The following SNTG2 variants were observed in gnomAD, a reference collection of about 807,000 sequenced individuals.
The protein encoded by SNTG2 is syntrophin gamma 2, also known as gamma-2-syntrophin.
In SNTG2, 74 loss-of-function variants were observed where a neutral mutation model predicts 70.9. That is an observed-to-expected ratio of 1.04 (90% CI 0.86 to 1.27). The LOEUF is 1.27. Ranked by LOEUF, SNTG2 falls within the 50% of genes most tolerant of loss-of-function variation. The pLI, the probability that SNTG2 is intolerant of heterozygous loss-of-function variation, is 0.00. For missense variants in SNTG2, 717 were observed against 690.7 expected (o/e 1.04, Z -0.43); for synonymous variants, 278 against 273.8 (o/e 1.02, Z -0.15).
chr2:1,250,011 T>C (rs1333476813), intron 12 of SNTG2, among the ~76,000 whole-genome samples: 2 of 152,172 alleles, frequency 1.3e-5, no homozygotes, highest in Admixed American at 6.5e-5. Context: ...ACCAGGAACC[T>C]GCCCAAAGCC....
intron 1 of SNTG2, among the ~76,000 whole-genome samples, chr2:990,655 C>T (rs1305042236): frequency 1.3e-5 from 2 of 152,186 alleles, no homozygotes; most frequent in African/African-American, 4.8e-5. Flanking sequence ...CAGTCCATAA[C>T]AACACTTAAT....
At chr2:1,140,508 CCT>C (rs1183205073) in intron 6 of SNTG2, among the ~76,000 whole-genome samples, 1 of 152,196 alleles carries the variant, frequency 6.6e-6, no homozygotes, top group Non-Finnish European at 1.5e-5. Flanking sequence ...GCTGCCGGTT[CCT>C]CTCGTACCTG....
At chr2:1,311,260 T>A (rs551196631) in intron 15 of SNTG2, among the ~76,000 whole-genome samples, 3 of 152,358 alleles carry the variant, frequency 2.0e-5, no homozygotes, top group Non-Finnish European at 2.9e-5. Flanking sequence ...TGACCTATTT[T>A]CCTTTGAAGG....
intron 1 of SNTG2, among the ~76,000 whole-genome samples, chr2:1,036,805 TAAAC>T (rs1661154764): frequency 2.0e-5 from 3 of 152,226 alleles, no homozygotes; most frequent in African/African-American, 7.2e-5. Context: ...TTATCAAAGG[TAAAC>T]AAGACCTTGC....
chr2:1,367,600 C>A lies in SNTG2; in HGVS notation c.*126C>A, dbSNP rs1365551783. The A allele has an allele frequency of 8.4e-7, 1 of 1,187,022 alleles. No individual in the cohort carries two copies. Among genetic ancestry groups the A allele is most frequent in the Non-Finnish European group, 1.2e-6 (1 of 868,692 alleles). 73.5% of individuals were successfully genotyped at this position (1,187,022 alleles called of 1,614,324 possible). On this transcript the variant is annotated 3_prime_UTR_variant, in exon 17 of 17. Transcript: ENST00000308624. ...TAGTTGTGATACCAATAAAACATGT[C>A]ACTAGTTTCCAAAGACGGGTCCTCC...
chr2:1,068,835 A>C (rs1663330316), intron 1 of SNTG2, among the ~76,000 whole-genome samples: 1 of 152,240 alleles, frequency 6.6e-6, no homozygotes, highest in African/African-American at 2.4e-5. Flanking sequence ...GTTTACAGTA[A>C]TTAAAAAGGA....
intron 16 of SNTG2, among the ~76,000 whole-genome samples, chr2:1,319,051 G>A (rs116131167): frequency 0.015 from 2,286 of 152,302 alleles, 57 homozygotes; most frequent in African/African-American, 0.051. Flanking sequence ...ATCTGTTAAT[G>A]AAAGGAGCAT....
At chr2:1,113,609 G>T (rs1012557040) in intron 4 of SNTG2, among the ~76,000 whole-genome samples, 1 of 150,404 alleles carries the variant, frequency 6.6e-6, no homozygotes, top group East Asian at 2.0e-4. Context: ...CTTTGAGGAG[G>T]ATCGTGTGTA....
At chr2:1,232,316 T>C (rs78142363) in intron 9 of SNTG2, among the ~76,000 whole-genome samples, 11 of 152,100 alleles carry the variant, frequency 7.2e-5, no homozygotes, top group South Asian at 6.2e-4. Flanking sequence ...CTTTTTTTTT[T>C]CCCCTGAGAC....
intron 1 of SNTG2, among the ~76,000 whole-genome samples, chr2:970,125 G>T (rs1660690647): frequency 6.6e-6 from 1 of 152,022 alleles, no homozygotes. Context: ...ATGATCATGT[G>T]GTTTTGGTTT....
At chr2:1,177,235 A>G (rs1671541040) in intron 8 of SNTG2, among the ~76,000 whole-genome samples, 1 of 152,188 alleles carries the variant, frequency 6.6e-6, no homozygotes, top group South Asian at 2.1e-4. Context: ...AGGAACAGAA[A>G]AGCAAACACC....
chr2:1,246,446 G>A (rs561868552), intron 11 of SNTG2, among the ~76,000 whole-genome samples: 27 of 152,322 alleles, frequency 1.8e-4, no homozygotes, highest in African/African-American at 6.0e-4. Context: ...TCCAGCAGAG[G>A]GCACTTCGTG....
chr2:1,018,333 G>C (rs1212630481), intron 1 of SNTG2, among the ~76,000 whole-genome samples: 3 of 152,174 alleles, frequency 2.0e-5, no homozygotes, highest in South Asian at 4.1e-4. Flanking sequence ...TGGTCAGAGG[G>C]TGTCTTCATT....
At chr2:1,245,290 A>G (rs1020882693) in intron 11 of SNTG2, among the ~76,000 whole-genome samples, 2 of 152,128 alleles carry the variant, frequency 1.3e-5, no homozygotes, top group Non-Finnish European at 2.9e-5. Flanking sequence ...GGAAAAAAAA[A>G]AGAAATAAGT....
chr2:1,258,874 T>A (rs1231651188), intron 12 of SNTG2, among the ~76,000 whole-genome samples: 1 of 152,182 alleles, frequency 6.6e-6, no homozygotes, highest in East Asian at 1.9e-4. Context: ...AGTAGATTTT[T>A]CATTCATTTC....
chr2:1,033,477 C>A (rs915606663), intron 1 of SNTG2, among the ~76,000 whole-genome samples: 1 of 152,138 alleles, frequency 6.6e-6, no homozygotes, highest in East Asian at 1.9e-4. Flanking sequence ...GCTGTGAGGC[C>A]GCTGGTGTTG....
intron 6 of SNTG2, among the ~76,000 whole-genome samples, chr2:1,164,939 A>G (rs1253751084): frequency 1.3e-5 from 2 of 152,212 alleles, no homozygotes; most frequent in Admixed American, 1.3e-4. Context: ...CTAGACTTTT[A>G]GTGTCTCAAT....
intron 9 of SNTG2, among the ~76,000 whole-genome samples, chr2:1,218,827 C>T (rs1674565260): frequency 6.6e-6 from 1 of 152,252 alleles, no homozygotes; most frequent in South Asian, 2.1e-4. Context: ...CTTGTGATGG[C>T]TTCTTTGCTG....
At chr2:1,075,497 G>A (rs550500997) in intron 1 of SNTG2, among the ~76,000 whole-genome samples, 1 of 152,306 alleles carries the variant, frequency 6.6e-6, no homozygotes, top group South Asian at 2.1e-4. Context: ...GTTTGTCATT[G>A]TTCACTGAAA....
Sources: allele counts gnomAD v4.1 joint callset (sites outside exome capture counted in the v4.1 genomes callset), GRCh38; gene constraint gnomAD v4.1.1; transcripts MANE v1.5; gene names NCBI Gene and HGNC (gene_info 2026-07-23, HGNC 2026-07-21).